HCRTR2: variants seen among roughly 807,000 people sequenced by gnomAD.
HCRTR2 encodes the protein orexin receptor type 2.
Under a neutral mutation model 49.0 loss-of-function variants are expected in HCRTR2, and 22 were observed. The observed-to-expected ratio is 0.45, with a 90% CI of 0.32 to 0.64. The LOEUF (loss-of-function observed/expected upper bound fraction) is 0.64, where lower values mean the gene tolerates loss of function less well. Among genes scored for constraint, HCRTR2 ranks in the 30% least tolerant of loss-of-function variants. The pLI is 0.04. For synonymous variants in HCRTR2, 236 were observed against 205.3 expected, an observed-to-expected ratio of 1.15 and a Z score of -1.28; for missense variants, 491 against 559.4, an observed-to-expected ratio of 0.88 and a Z score of 1.23.
At chr6:55,145,991 T>C (rs1029458730) in intron 1 of HCRTR2, among the ~76,000 whole-genome samples, 8 of 152,174 alleles carry the variant, frequency 5.3e-5, no homozygotes. Context: ...AGCACTTTGT[T>C]TTCCATCTAC....
chr6:55,141,178 C>CA (rs57936133), intron 1 of HCRTR2, among the ~76,000 whole-genome samples: 35,695 of 131,660 alleles, frequency 0.27, 5,092 homozygotes, highest in Non-Finnish European at 0.34. Flanking sequence ...ACTAAAAATA[C>CA]AAAAAAAAAA....
chr6:55,179,235 C>T (rs4571564), intron 1 of HCRTR2, among the ~76,000 whole-genome samples: 11,884 of 152,092 alleles, frequency 0.078, 629 homozygotes, highest in Non-Finnish European at 0.12. Flanking sequence ...TAAACCCATC[C>T]TTACCTACAC....
chr6:55,133,473 A>C (rs1009793426), intron 1 of HCRTR2, among the ~76,000 whole-genome samples: 4 of 151,814 alleles, frequency 2.6e-5, no homozygotes, highest in Non-Finnish European at 5.9e-5. Context: ...TCCAAAGTAA[A>C]ATTATGATAT....
intron 1 of HCRTR2, among the ~76,000 whole-genome samples, chr6:55,128,404 C>T (rs1048118472): frequency 1.2e-4 from 19 of 152,108 alleles, no homozygotes; most frequent in African/African-American, 2.6e-4. Context: ...TGGGTATTCA[C>T]GCTCTTTTTT....
intron 1 of HCRTR2, among the ~76,000 whole-genome samples, chr6:55,200,730 T>G (rs1017733514): frequency 2.0e-5 from 3 of 152,222 alleles, no homozygotes; most frequent in African/African-American, 7.2e-5. Flanking sequence ...TTTTGATGCT[T>G]CTTGTCTGCA....
intron 1 of HCRTR2, among the ~76,000 whole-genome samples, chr6:55,126,194 G>A (rs1030735803): frequency 6.6e-6 from 1 of 152,162 alleles, no homozygotes; most frequent in Admixed American, 6.5e-5. Context: ...AGGAGAAGAG[G>A]TGCTCTGGTT....
chr6:55,107,656 A>G (rs1415810792), intron 1 of HCRTR2, among the ~76,000 whole-genome samples: 2 of 151,550 alleles, frequency 1.3e-5, no homozygotes, highest in Non-Finnish European at 2.9e-5. Flanking sequence ...TAGTTTCACA[A>G]AATGTTTGAC....
At chr6:55,217,458 A>T (rs1343166371) in intron 1 of HCRTR2, among the ~76,000 whole-genome samples, 1 of 152,186 alleles carries the variant, frequency 6.6e-6, no homozygotes, top group Admixed American at 6.5e-5. Context: ...AAACAGCATC[A>T]TGAATGCTTT....
chr6:55,124,225 C>A (rs1009775875), intron 1 of HCRTR2, among the ~76,000 whole-genome samples: 1 of 152,140 alleles, frequency 6.6e-6, no homozygotes, highest in African/African-American at 2.4e-5. Flanking sequence ...GATTTTAGAT[C>A]TTTTCTGCTT....
In HCRTR2 at chr6:55,199,156, G is replaced by A. The variant is rs560770842; in HGVS notation, c.223+24346G>A. Among the ~76,000 whole-genome samples the A allele has an allele frequency of 7.9e-5, 12 of 152,142 alleles. 3 individuals carry two copies. The highest frequency in any genetic ancestry group is 2.6e-4 in the African/African-American group (11 of 41,512). The stretch of plus-strand genomic sequence containing the variant: ...AATGGGAGAATGAGAAATGGGTATT[G>A]TAATGACAAAAACACACACGACTAC... On this transcript the variant is annotated intron_variant, in intron 1 of 6. Coordinates refer to ENST00000370862, the MANE Select transcript of HCRTR2 (RefSeq NM_001384272.1).
At chr6:55,260,278 A>G (rs1035352084) in intron 3 of HCRTR2, among the ~76,000 whole-genome samples, 1 of 152,320 alleles carries the variant, frequency 6.6e-6, no homozygotes, top group South Asian at 2.1e-4. Context: ...AGATTTTGTC[A>G]TGAGGAAAGC....
intron 1 of HCRTR2, among the ~76,000 whole-genome samples, chr6:55,139,125 G>T (rs1332687937): frequency 1.3e-5 from 2 of 152,180 alleles, no homozygotes; most frequent in Non-Finnish European, 2.9e-5. Flanking sequence ...TGAAAGAGAA[G>T]TAAATGTGGC....
intron 1 of HCRTR2, among the ~76,000 whole-genome samples, chr6:55,195,429 C>T (rs997502831): frequency 6.6e-6 from 1 of 152,048 alleles, no homozygotes; most frequent in Non-Finnish European, 1.5e-5. Context: ...GTAACTGAAA[C>T]AGGCATAGAA....
At chr6:55,241,474 T>C (rs919171052) in intron 1 of HCRTR2, among the ~76,000 whole-genome samples, 1 of 152,162 alleles carries the variant, frequency 6.6e-6, no homozygotes, top group East Asian at 1.9e-4. Flanking sequence ...ATATTTTTTA[T>C]GTACATAACA....
At chr6:55,276,586 C>T (rs1365058068) in intron 4 of HCRTR2, among the ~76,000 whole-genome samples, 4 of 152,200 alleles carry the variant, frequency 2.6e-5, no homozygotes, top group African/African-American at 9.6e-5. Context: ...TAAACCCTAT[C>T]AATCTTCATG....
intron 1 of HCRTR2, among the ~76,000 whole-genome samples, chr6:55,214,491 T>A (rs1581834182): frequency 6.6e-6 from 1 of 152,012 alleles, no homozygotes; most frequent in African/African-American, 2.4e-5. Flanking sequence ...GCCACTGTGC[T>A]TGATTAATTT....
At chr6:55,176,175 A>C (rs1327143588) in intron 1 of HCRTR2, among the ~76,000 whole-genome samples, 3 of 152,196 alleles carry the variant, frequency 2.0e-5, no homozygotes, top group African/African-American at 7.2e-5. Context: ...AATAGATGAT[A>C]GTATGTGAAT....
chr6:55,191,784 C>G (rs1581819280), intron 1 of HCRTR2, among the ~76,000 whole-genome samples: 2 of 148,586 alleles, frequency 1.3e-5, no homozygotes, highest in Admixed American at 1.4e-4. Flanking sequence ...ATTTTTTTTT[C>G]ACAGAAATAT....
chr6:55,123,295 G>A (rs1039835922), intron 1 of HCRTR2, among the ~76,000 whole-genome samples: 7 of 151,836 alleles, frequency 4.6e-5, no homozygotes, highest in Non-Finnish European at 8.8e-5. Flanking sequence ...TTTGAGACAT[G>A]TTCCATCAAT....
Sources: allele counts gnomAD v4.1 joint callset (sites outside exome capture counted in the v4.1 genomes callset), GRCh38; gene constraint gnomAD v4.1.1; transcripts MANE v1.5; gene names NCBI Gene and HGNC (gene_info 2026-07-23, HGNC 2026-07-21).